KDM1B: variants seen among roughly 807,000 people sequenced by gnomAD.
The protein encoded by KDM1B is lysine demethylase 1B.
KDM1B carries 63 observed loss-of-function variants against 107.4 expected under a neutral mutation model. The observed-to-expected ratio is 0.59, with a 90% CI of 0.48 to 0.72. The LOEUF (loss-of-function observed/expected upper bound fraction) is 0.72, where lower values mean the gene tolerates loss of function less well. Among genes scored for constraint, KDM1B ranks in the 30% least tolerant of loss-of-function variants. The pLI, the probability that KDM1B is intolerant of heterozygous loss-of-function variation, is 0.00. For missense variants in KDM1B, 749 were observed against 1,020.8 expected (o/e 0.73, Z 3.63); for synonymous variants, 363 against 363.9 (o/e 1.00, Z 0.03).
At position 18,162,082 on chromosome 6, in the gene KDM1B, A is replaced by G. The variant is rs1009402753; in HGVS notation, c.215+628A>G. On this transcript the variant is annotated intron_variant, in intron 4 of 21. Transcript: ENST00000650836. The surrounding 1 kb of genome is among the most constrained non-coding windows in gnomAD (Gnocchi z 4.1). ...GCGCCTGTAATCCCAGCACTTTGAG[A>G]GACCAAGATGGGCGGATCAGTTGAG... Among the ~76,000 whole-genome samples the G allele has an allele frequency of 6.6e-6, 1 of 152,190 alleles. No individual in the cohort carries two copies. Among genetic ancestry groups the G allele is most frequent in the Non-Finnish European group, 1.5e-5 (1 of 68,042 alleles).
Position 18,211,934 on chromosome 6 carries a change from G to A in KDM1B, c.1867-554G>A. ...TAGGGCTCTTTCCTCCTCAAGTACTGCTTTTCGGGGTTTTGTTTTTTTTTT... is the reference window on the plus strand; with the variant it reads ...TAGGGCTCTTTCCTCCTCAAGTACTACTTTTCGGGGTTTTGTTTTTTTTTT... On this transcript the variant is annotated intron_variant, in intron 17 of 21. Coordinates refer to ENST00000650836, the MANE Select transcript of KDM1B (RefSeq NM_001364614.2). The surrounding 1 kb of genome is among the most constrained non-coding windows in gnomAD (Gnocchi z 5.2). The A allele has an allele frequency of 6.3e-6, 1 of 157,608 alleles. No individual in the cohort carries two copies. The highest frequency in any genetic ancestry group is 1.4e-5 in the Non-Finnish European group (1 of 73,392). 9.8% of individuals were successfully genotyped at this position (157,608 alleles called of 1,614,324 possible). A position where few individuals can be genotyped will look rare whatever the true frequency, so the allele number is the denominator to read the frequency against.
In KDM1B at chr6:18,205,236, C is replaced by A. The variant is rs1189401773; in HGVS notation, c.1532-301C>A. 1.3e-5 allele frequency among the ~76,000 whole-genome samples: 2 copies of A among 152,082 alleles called. No individual in the cohort carries two copies. Among genetic ancestry groups the A allele is most frequent in the East Asian group, 3.9e-4 (2 of 5,190 alleles). ...TCTTGAGCAAAAGAGGAAACCACTT[C>A]TCAACGAAGCGAAATTGAGACGTTT... On this transcript the variant is annotated intron_variant, in intron 14 of 21. Coordinates refer to ENST00000650836, the MANE Select transcript of KDM1B (RefSeq NM_001364614.2). This position sits in a 1 kb window ranked among gnomAD's most constrained non-coding sequence, Gnocchi z 5.7.
chr6:18,174,707 T>C (rs930168970), intron 7 of KDM1B, among the ~76,000 whole-genome samples: 4 of 151,962 alleles, frequency 2.6e-5, no homozygotes, highest in East Asian at 1.9e-4. Flanking sequence ...TGAGAACATA[T>C]GGTGTTTGGT....
In KDM1B at chr6:18,205,519, G is replaced by A. The variant is rs1788308155; in HGVS notation, c.1532-18G>A. 2 of 1,544,942 alleles carry A rather than the reference G, an allele frequency of 1.3e-6. No homozygotes were observed. Among genetic ancestry groups the A allele is most frequent in the Non-Finnish European group, 1.7e-6 (2 of 1,144,178 alleles). On this transcript the variant is annotated intron_variant, in intron 14 of 21. Transcript: ENST00000650836. This position sits in a 1 kb window ranked among gnomAD's most constrained non-coding sequence, Gnocchi z 5.7. ...TGTTAAAGCTATTTTTTTCTGCTTT[G>A]ATCCATTCCCATTACAGAAAAGATA...
At chr6:18,194,574 A>T (rs1413705262) in intron 10 of KDM1B, among the ~76,000 whole-genome samples, 1 of 152,190 alleles carries the variant, frequency 6.6e-6, no homozygotes, top group Non-Finnish European at 1.5e-5. Context: ...TGTCTTAGTG[A>T]TAAGTGATGG....
At chr6:18,190,034 C>T (rs1206870782) in intron 9 of KDM1B, among the ~76,000 whole-genome samples, 1 of 151,948 alleles carries the variant, frequency 6.6e-6, no homozygotes, top group Non-Finnish European at 1.5e-5. Context: ...CCTGTAATCC[C>T]TGCTACTGGG....
intron 10 of KDM1B, among the ~76,000 whole-genome samples, chr6:18,192,320 C>G (rs1787331508): frequency 6.6e-6 from 1 of 152,142 alleles, no homozygotes; most frequent in African/African-American, 2.4e-5. Context: ...TTAATTTAAT[C>G]AGCAGTTTGC....
rs549081724 is a variant in KDM1B, at chr6:18,213,794, G to T, written c.2109+13G>T. The T allele has an allele frequency of 3.1e-6, 5 of 1,613,698 alleles. No individual in the cohort carries two copies. The African/African-American group carries it at 5.3e-5, about 17-fold the overall frequency. ...CATGGATCCCCAGGTAAAATCATTC[G>T]TGAACTGTGGTTTGAATTTCCGTCT... On this transcript the variant is annotated intron_variant, in intron 19 of 21. Transcript: ENST00000650836. The surrounding 1 kb of genome is among the most constrained non-coding windows in gnomAD (Gnocchi z 5.9).
rs1286582490 is a variant in KDM1B, at chr6:18,191,411, T to A, written c.969+30T>A. 16 of 1,535,486 alleles carry A rather than the reference T, an allele frequency of 1.0e-5. 1 individual carries two copies. In the Admixed American group the frequency reaches 2.2e-4, roughly 21 times the overall value. On this transcript the variant is annotated intron_variant, in intron 10 of 21. Transcript: ENST00000650836. This position sits in a 1 kb window ranked among gnomAD's most constrained non-coding sequence, Gnocchi z 5.1. Reference sequence around the variant, plus strand: ...GTAAGGGCATGTTAGCCAATAGCACTGGACAGAGGAGGACCATGTTGAAAA... The same window carrying A: ...GTAAGGGCATGTTAGCCAATAGCACAGGACAGAGGAGGACCATGTTGAAAA...
intron 7 of KDM1B, among the ~76,000 whole-genome samples, chr6:18,174,461 TTTTA>T (rs999284325): frequency 2.6e-5 from 4 of 152,122 alleles, no homozygotes; most frequent in African/African-American, 9.7e-5. Context: ...ACGTATTTAT[TTTTA>T]TTTATTTTTA....
rs1788932012 is a variant in KDM1B at position 18,212,659 on chromosome 6, T to C, written c.1983+55T>C. 3 of 1,094,168 alleles carry C rather than the reference T, an allele frequency of 2.7e-6. No homozygotes were observed. The highest frequency in any genetic ancestry group is 4.2e-6 in the Non-Finnish European group (3 of 706,222). The allele number at this position is 1,094,168 out of a possible 1,614,324, so 67.8% of individuals were successfully genotyped here. A position where few individuals can be genotyped will look rare whatever the true frequency, so the allele number is the denominator to read the frequency against. ...AAAGAGATTAATGTCAGATGATAGA[T>C]GTTAACTTCTGATATGGAGAAGTAG... On this transcript the variant is annotated intron_variant, in intron 18 of 21. Coordinates refer to ENST00000650836, the MANE Select transcript of KDM1B (RefSeq NM_001364614.2). This position sits in a 1 kb window ranked among gnomAD's most constrained non-coding sequence, Gnocchi z 5.2.
At chr6:18,182,090 A>AT (rs989025190) in intron 7 of KDM1B, among the ~76,000 whole-genome samples, 4 of 151,958 alleles carry the variant, frequency 2.6e-5, no homozygotes, top group African/African-American at 7.2e-5. Flanking sequence ...AACATCAAGC[A>AT]TTTTTTTCCA....
Position 18,223,511 on chromosome 6 carries a change from G to A in KDM1B, c.*1519G>A, listed in dbSNP as rs1021051510. The A allele has an allele frequency of 6.6e-6, 1 of 152,130 alleles. No individual in the cohort carries two copies. The highest frequency in any genetic ancestry group is 1.5e-5 in the Non-Finnish European group (1 of 68,016). The allele number at this position is 152,130 out of a possible 1,614,324, so 9.4% of individuals were successfully genotyped here. A position where few individuals can be genotyped will look rare whatever the true frequency, so the allele number is the denominator to read the frequency against. ...ATGTATTAAAATGTTTAGACAGCAT[G>A]TGTTTTAAAGTGATAAATGCAAAAT... On this transcript the variant is annotated 3_prime_UTR_variant, in exon 22 of 22. Coordinates refer to ENST00000650836, the MANE Select transcript of KDM1B (RefSeq NM_001364614.2).
chr6:18,198,492 G>A, intron 12 of KDM1B, among the ~76,000 whole-genome samples: 1 of 151,956 alleles, frequency 6.6e-6, no homozygotes. Flanking sequence ...GCCTCCCAAA[G>A]TGCTGGGATT....
In KDM1B at chr6:18,159,837, A is replaced by T. The variant is rs1381674828; in HGVS notation, c.-13-46A>T. On this transcript the variant is annotated intron_variant, in intron 2 of 21. Coordinates refer to ENST00000650836, the MANE Select transcript of KDM1B (RefSeq NM_001364614.2). The surrounding 1 kb of genome is among the most constrained non-coding windows in gnomAD (Gnocchi z 4.5). Reference sequence around the variant, plus strand: ...AATAACTTGCTCCAGACTGTTAAAAATATTTGCAGATGCTAATATTTAATG... The same window carrying T: ...AATAACTTGCTCCAGACTGTTAAAATTATTTGCAGATGCTAATATTTAATG... 1 of 1,003,688 alleles carries T rather than the reference A, an allele frequency of 1.0e-6. No homozygotes were observed. Among genetic ancestry groups the T allele is most frequent in the African/African-American group, 1.6e-5 (1 of 62,830 alleles). 62.2% of individuals were successfully genotyped at this position (1,003,688 alleles called of 1,614,324 possible).
chr6:18,166,970 G>A (rs542668779), intron 6 of KDM1B, among the ~76,000 whole-genome samples: 1 of 151,556 alleles, frequency 6.6e-6, no homozygotes, highest in South Asian at 2.1e-4. Flanking sequence ...TCATATTTTT[G>A]TCTGTTTAAA....
At position 18,197,157 on chromosome 6, in the gene KDM1B, C is replaced by G. The variant is rs369907680; in HGVS notation, c.1070C>G (p.Thr357Ser). 6.2e-7 allele frequency: 1 copy of G among 1,614,040 alleles called. No homozygotes were observed. The highest frequency in any genetic ancestry group is 1.1e-5 in the South Asian group (1 of 91,080). Residue 357 changes from threonine to serine, a missense_variant, in exon 11 of 22, where the codon ACC (threonine) becomes AGC (serine). Coordinates refer to ENST00000650836, the MANE Select transcript of KDM1B (RefSeq NM_001364614.2). This position sits in a 1 kb window ranked among gnomAD's most constrained non-coding sequence, Gnocchi z 4.5. ...GTGGAGAGAATACTGTATTTTATGA[C>G]CAGAAAAGGTCTCATCAACACTGGA... ...QEVERILYFM[T>S]RKGLINTGVL...
chr6:18,217,594 G>A (rs572179681), intron 20 of KDM1B, 139 bp from the exon 21 acceptor site: 45 of 610,574 alleles, frequency 7.4e-5, no homozygotes, highest in Admixed American at 3.2e-4. Context: ...AGCCAGGATC[G>A]TCTCGATCTC....
rs541227983 is a variant in KDM1B, at chr6:18,212,744, C to T, written c.1983+140C>T. The T allele has an allele frequency of 1.2e-5, 8 of 680,998 alleles. No individual in the cohort carries two copies. In the East Asian group the frequency reaches 1.3e-4, roughly 11 times the overall value. 42.2% of individuals were successfully genotyped at this position (680,998 alleles called of 1,614,324 possible). Reference sequence around the variant, plus strand: ...TTTCCTTTTCATTTGAGTAATTGTTCGTGAAGAACACAGAAGAATATTATC... The same window carrying T: ...TTTCCTTTTCATTTGAGTAATTGTTTGTGAAGAACACAGAAGAATATTATC... On this transcript the variant is annotated intron_variant, in intron 18 of 21. Coordinates refer to ENST00000650836, the MANE Select transcript of KDM1B (RefSeq NM_001364614.2). This position sits in a 1 kb window ranked among gnomAD's most constrained non-coding sequence, Gnocchi z 5.2.
Sources: gnomAD v4.1 joint callset for allele counts (sites outside exome capture counted in the v4.1 genomes callset) on GRCh38, gnomAD v4.1.1 for gene constraint, Gnocchi (gnomAD v3.1) non-coding constraint, MANE v1.5 for transcripts, NCBI Gene and HGNC (gene_info 2026-07-23, HGNC 2026-07-21) for gene names.